The following SLAMF6 variants were observed in gnomAD, a reference collection of about 807,000 sequenced individuals.
SLAMF6 encodes SLAM family member 6.
A neutral mutation model predicts 38.3 loss-of-function variants in SLAMF6; 21 were observed. The ratio of observed to expected loss-of-function variants is 0.55; its 90% CI spans 0.39 to 0.79. The LOEUF (loss-of-function observed/expected upper bound fraction) is 0.79. Among genes scored for constraint, SLAMF6 ranks in the 30% least tolerant of loss-of-function variants. SLAMF6 has a pLI of 0.00. For synonymous variants in SLAMF6, 152 were observed against 146.3 expected (o/e 1.04, Z -0.28); for missense variants, 341 against 385.3 (o/e 0.89, Z 0.96).
chr1:160,509,037 C>T (rs1311507225), intron 1 of SLAMF6, among the ~76,000 whole-genome samples: 1 of 152,182 alleles, frequency 6.6e-6, no homozygotes. Flanking sequence ...GAAACAGGAA[C>T]ACTTTTACAA....
chr1:160,496,019 T>C (rs1396833484), intron 2 of SLAMF6, 42 bp downstream of exon 2: 3 of 1,548,680 alleles, frequency 1.9e-6, no homozygotes, highest in Admixed American at 1.8e-5. Flanking sequence ...TACATGTATA[T>C]TTTTCAGTCC....
At chr1:160,496,476 A>G in intron 1 of SLAMF6, 83 bp from the exon 2 acceptor site, 1 of 1,347,280 alleles carries the variant, frequency 7.4e-7, no homozygotes. Context: ...TAACGCTGCC[A>G]GTCTGTTAGA....
chr1:160,518,285 G>T (rs1475333858), intron 1 of SLAMF6, among the ~76,000 whole-genome samples: 1 of 152,176 alleles, frequency 6.6e-6, no homozygotes, highest in Admixed American at 6.5e-5. Flanking sequence ...TGGAGAAATA[G>T]AAACTCTTTT....
chr1:160,518,204 G>A lies in SLAMF6; in HGVS notation c.49+4940C>T, dbSNP rs140198106. ...AGAAATGCACATCAAAACCACAATG[G>A]GATACCATCTCACACAGGTCAGAAT... On this transcript the variant is annotated intron_variant, in intron 1 of 7. Transcript: ENST00000368057. Among the ~76,000 whole-genome samples the A allele has an allele frequency of 1.6e-3, 238 of 151,978 alleles. 1 individual carries two copies. Among genetic ancestry groups the A allele is most frequent in the African/African-American group, 5.5e-3 (227 of 41,458 alleles).
intron 1 of SLAMF6, among the ~76,000 whole-genome samples, chr1:160,521,282 AT>A (rs1444346326): frequency 6.6e-6 from 1 of 152,036 alleles, no homozygotes; most frequent in African/African-American, 2.4e-5. Context: ...TTCTATACCC[AT>A]TTCCCCCATA....
At chr1:160,500,859 G>C (rs78716230) in intron 1 of SLAMF6, among the ~76,000 whole-genome samples, 2 of 152,100 alleles carry the variant, frequency 1.3e-5, no homozygotes, top group African/African-American at 4.8e-5. Context: ...TTACTCAGTG[G>C]CCTAAGGACT....
intron 1 of SLAMF6, among the ~76,000 whole-genome samples, chr1:160,522,181 A>G (rs1557953235): frequency 1.3e-5 from 2 of 152,228 alleles, no homozygotes; most frequent in African/African-American, 4.8e-5. Context: ...AACTATTACA[A>G]GAGCTTGTCG....
At chr1:160,499,343 G>A (rs991586375) in intron 1 of SLAMF6, among the ~76,000 whole-genome samples, 6 of 151,994 alleles carry the variant, frequency 3.9e-5, no homozygotes, top group Admixed American at 2.0e-4. Context: ...CGCTTTTGTT[G>A]GCCTTGTCAA....
At chr1:160,512,636 G>T (rs943443298) in intron 1 of SLAMF6, among the ~76,000 whole-genome samples, 1 of 152,110 alleles carries the variant, frequency 6.6e-6, no homozygotes, top group Non-Finnish European at 1.5e-5. Flanking sequence ...CCTCTTGGAC[G>T]GAGCTCCCAG....
chr1:160,498,530 AT>A (rs967503424), intron 1 of SLAMF6, among the ~76,000 whole-genome samples: 3 of 152,132 alleles, frequency 2.0e-5, no homozygotes, highest in Non-Finnish European at 4.4e-5. Flanking sequence ...ACTCCCCTTT[AT>A]AAAACCATCA....
chr1:160,499,378 GC>G (rs1221238058), intron 1 of SLAMF6, among the ~76,000 whole-genome samples: 1 of 152,116 alleles, frequency 6.6e-6, no homozygotes, highest in Non-Finnish European at 1.5e-5. Context: ...TAAGGGTGTG[GC>G]TTTATTTCTG....
At chr1:160,499,432 A>G (rs924598480) in intron 1 of SLAMF6, among the ~76,000 whole-genome samples, 4 of 152,138 alleles carry the variant, frequency 2.6e-5, no homozygotes, top group Admixed American at 6.6e-5. Context: ...CTGTTTGTGT[A>G]ACGGTACCAT....
intron 4 of SLAMF6, 84 bp downstream of exon 4, chr1:160,490,490 CA>C: frequency 1.3e-6 from 2 of 1,547,896 alleles, no homozygotes; most frequent in Non-Finnish European, 1.7e-6. Flanking sequence ...CTGTCTTCCA[CA>C]AGAGATCCTT....
At chr1:160,500,620 A>ATATTTGTTT (rs1653835679) in intron 1 of SLAMF6, among the ~76,000 whole-genome samples, 1 of 151,968 alleles carries the variant, frequency 6.6e-6, no homozygotes, top group South Asian at 2.1e-4. Flanking sequence ...TATAATTTAA[A>ATATTTGTTT]TATTTGTTTT....
intron 1 of SLAMF6, among the ~76,000 whole-genome samples, chr1:160,499,365 T>G (rs1653761627): frequency 6.6e-6 from 1 of 152,162 alleles, no homozygotes; most frequent in Non-Finnish European, 1.5e-5. Context: ...AATCAGATGG[T>G]TGTAAGGGTG....
chr1:160,512,748 AG>A (rs1485485803), intron 1 of SLAMF6, among the ~76,000 whole-genome samples: 1 of 149,430 alleles, frequency 6.7e-6, no homozygotes, highest in African/African-American at 2.6e-5. Flanking sequence ...GTGGGCCCCC[AG>A]CAAACTGCAG....
intron 2 of SLAMF6, among the ~76,000 whole-genome samples, chr1:160,494,711 A>C (rs1442004223): frequency 6.6e-6 from 1 of 152,168 alleles, no homozygotes; most frequent in Non-Finnish European, 1.5e-5. Context: ...GGTGTGATGC[A>C]GCCACAAGCC....
intron 1 of SLAMF6, among the ~76,000 whole-genome samples, chr1:160,518,420 G>T (rs184575102): frequency 6.6e-6 from 1 of 152,262 alleles, no homozygotes; most frequent in East Asian, 1.9e-4. Context: ...ATACCCAAAA[G>T]AATATAAATC....
chr1:160,499,800 C>G (rs1206799483), intron 1 of SLAMF6, among the ~76,000 whole-genome samples: 1 of 152,160 alleles, frequency 6.6e-6, no homozygotes, highest in Non-Finnish European at 1.5e-5. Flanking sequence ...TGAGCTTGCA[C>G]TTCCTCTCTC....
Sources: gnomAD v4.1 joint callset for allele counts (sites outside exome capture counted in the v4.1 genomes callset) on GRCh38, gnomAD v4.1.1 for gene constraint, MANE v1.5 for transcripts, NCBI Gene and HGNC (gene_info 2026-07-23, HGNC 2026-07-21) for gene names.